C1orf21: variants seen among roughly 807,000 people sequenced by gnomAD.
C1orf21 encodes uncharacterized protein C1orf21.
A neutral mutation model predicts 18.7 loss-of-function variants in C1orf21; 3 were observed. The observed-to-expected ratio is 0.16, with a 90% CI of 0.07 to 0.42. C1orf21 has a LOEUF of 0.42. Ranked by LOEUF, C1orf21 falls within the 10% of genes least tolerant of loss-of-function variation. The pLI, the probability that C1orf21 is intolerant of heterozygous loss-of-function variation, is 0.99. For missense variants in C1orf21, 104 were observed against 143.6 expected, an observed-to-expected ratio of 0.72 and a Z score of 1.41; for synonymous variants, 41 against 46.4, an observed-to-expected ratio of 0.88 and a Z score of 0.47.
chr1:184,507,348 A>G (rs925626377), intron 2 of C1orf21, among the ~76,000 whole-genome samples: 2 of 152,174 alleles, frequency 1.3e-5, no homozygotes, highest in Non-Finnish European at 2.9e-5. Context: ...AGGACCAGGC[A>G]GTGACACTTT....
intron 3 of C1orf21, among the ~76,000 whole-genome samples, chr1:184,590,326 T>C (rs1659420211): frequency 1.3e-5 from 2 of 152,248 alleles, no homozygotes. Context: ...CAGCAAACTT[T>C]ACATCTCAGT....
chr1:184,541,476 G>T (rs1028022525), intron 3 of C1orf21, among the ~76,000 whole-genome samples: 3 of 152,022 alleles, frequency 2.0e-5, no homozygotes, highest in Non-Finnish European at 4.4e-5. Context: ...TCTTCTTTAG[G>T]TCTCCAGCTA....
intron 3 of C1orf21, among the ~76,000 whole-genome samples, chr1:184,518,014 A>C (rs182740598): frequency 2.4e-4 from 37 of 152,264 alleles, no homozygotes; most frequent in Admixed American, 8.5e-4. Flanking sequence ...GAGTCATTCT[A>C]TTCTGTTTGT....
intron 1 of C1orf21, among the ~76,000 whole-genome samples, chr1:184,441,103 C>G (rs1656936860): frequency 6.6e-6 from 1 of 152,194 alleles, no homozygotes; most frequent in South Asian, 2.1e-4. Flanking sequence ...TAGCAGAAAA[C>G]ATCATCTTTT....
intron 3 of C1orf21, among the ~76,000 whole-genome samples, chr1:184,537,437 G>T (rs1658574592): frequency 6.6e-6 from 1 of 152,090 alleles, no homozygotes; most frequent in South Asian, 2.1e-4. Flanking sequence ...TGTTCTGAAG[G>T]TCCATCCGTG....
chr1:184,611,393 G>A (rs1331337590), intron 5 of C1orf21, among the ~76,000 whole-genome samples: 1 of 152,184 alleles, frequency 6.6e-6, no homozygotes, highest in Middle Eastern at 3.2e-3. Context: ...TACAGGAGGA[G>A]GGCCCTGCAG....
chr1:184,512,809 T>G (rs1041438599), intron 3 of C1orf21, among the ~76,000 whole-genome samples: 4 of 152,188 alleles, frequency 2.6e-5, no homozygotes, highest in Non-Finnish European at 5.9e-5. Flanking sequence ...CCTGGACCAG[T>G]ACCAGTCGGT....
At chr1:184,507,366 A>G (rs1658078236) in intron 2 of C1orf21, among the ~76,000 whole-genome samples, 1 of 152,134 alleles carries the variant, frequency 6.6e-6, no homozygotes, top group Admixed American at 6.5e-5. Context: ...TTTGATTAGA[A>G]GCATTCGTGA....
chr1:184,481,178 A>C (rs1045818332), intron 2 of C1orf21, among the ~76,000 whole-genome samples: 3 of 151,976 alleles, frequency 2.0e-5, no homozygotes, highest in Middle Eastern at 3.2e-3. Context: ...TTAAAAAAAA[A>C]CTCTCTCTCT....
At chr1:184,568,643 T>G (rs1219608626) in intron 3 of C1orf21, among the ~76,000 whole-genome samples, 1 of 152,238 alleles carries the variant, frequency 6.6e-6, no homozygotes, top group Non-Finnish European at 1.5e-5. Context: ...AAAAACACCC[T>G]GAGGTTCTTA....
chr1:184,549,193 A>G (rs1042096058), intron 3 of C1orf21, among the ~76,000 whole-genome samples: 4 of 152,172 alleles, frequency 2.6e-5, no homozygotes, highest in Non-Finnish European at 5.9e-5. Flanking sequence ...GAATAGCAAC[A>G]TCTGAGACTC....
chr1:184,479,584 T>C (rs1360438951), intron 2 of C1orf21, among the ~76,000 whole-genome samples: 1 of 151,518 alleles, frequency 6.6e-6, no homozygotes, highest in Non-Finnish European at 1.5e-5. Context: ...TCCATGTTGT[T>C]TCCTGATGCC....
intron 3 of C1orf21, among the ~76,000 whole-genome samples, chr1:184,543,843 T>G (rs1382342555): frequency 6.6e-6 from 1 of 152,204 alleles, no homozygotes; most frequent in Non-Finnish European, 1.5e-5. Flanking sequence ...TATCACTGAG[T>G]TCCAGTCTTC....
chr1:184,600,024 T>C (rs188393022), intron 5 of C1orf21, among the ~76,000 whole-genome samples: 30 of 152,340 alleles, frequency 2.0e-4, no homozygotes, highest in Non-Finnish European at 4.0e-4. Flanking sequence ...TTATTTGGAC[T>C]TCCCCCCACT....
At chr1:184,398,393 C>T (rs1656096231) in intron 1 of C1orf21, among the ~76,000 whole-genome samples, 1 of 152,140 alleles carries the variant, frequency 6.6e-6, no homozygotes, top group South Asian at 2.1e-4. Context: ...CCGAGCGCTC[C>T]TACTTTAAAG....
intron 3 of C1orf21, among the ~76,000 whole-genome samples, chr1:184,511,310 A>T (rs1254254166): frequency 2.6e-5 from 4 of 152,208 alleles, no homozygotes; most frequent in Non-Finnish European, 5.9e-5. Context: ...ATTATCTGGG[A>T]GACAAAAGCA....
In C1orf21 at chr1:184,458,815, G is replaced by T. The variant is rs907334663; in HGVS notation, c.-124-18571G>T. On this transcript the variant is annotated intron_variant, in intron 1 of 5. Coordinates refer to ENST00000235307, the MANE Select transcript of C1orf21 (RefSeq NM_030806.4). ...AAACTTTGTGTTTAGTAACAAAATG[G>T]TGAAGGTAAAACTCTAAAAAGGGTG... Among the ~76,000 whole-genome samples the T allele has an allele frequency of 5.9e-5, 9 of 152,136 alleles. No homozygotes were observed. In the East Asian group the frequency reaches 1.7e-3, roughly 29 times the overall value.
rs545912723 is a variant in C1orf21 at position 184,410,655 on chromosome 1, A to T, written c.-125+23287A>T. Among the ~76,000 whole-genome samples the T allele has an allele frequency of 5.1e-3, 30 of 5,852 alleles. 4 individuals are homozygous for T. Among genetic ancestry groups the T allele is most frequent in the African/African-American group, 0.011 (4 of 352 alleles). 3.8% of individuals were successfully genotyped at this position (5,852 alleles called of 152,430 possible). On this transcript the variant is annotated intron_variant, in intron 1 of 5. Transcript: ENST00000235307. ...TATATATATATATATATATATATAT[A>T]TATATATATTTTTTTTTTTTTTTTT...
At chr1:184,559,123 G>A (rs537175133) in intron 3 of C1orf21, among the ~76,000 whole-genome samples, 1 of 152,306 alleles carries the variant, frequency 6.6e-6, no homozygotes, top group African/African-American at 2.4e-5. Flanking sequence ...CCCAAATCTA[G>A]TGTTGAATTG....
Sources: gnomAD v4.1 joint callset for allele counts (sites outside exome capture counted in the v4.1 genomes callset) on GRCh38, gnomAD v4.1.1 for gene constraint, MANE v1.5 for transcripts, NCBI Gene and HGNC (gene_info 2026-07-23, HGNC 2026-07-21) for gene names.